The following PTCH1 variants were observed in gnomAD, a reference collection of about 807,000 sequenced individuals.
PTCH1 encodes protein patched homolog 1.
Under a neutral mutation model 144.6 loss-of-function variants are expected in PTCH1, and 14 were observed. The observed-to-expected ratio is 0.10, with a 90% CI of 0.06 to 0.15. The LOEUF (loss-of-function observed/expected upper bound fraction) is 0.15. Ranked by LOEUF, PTCH1 falls within the 10% of genes least tolerant of loss-of-function variation. The pLI, the probability that PTCH1 is intolerant of heterozygous loss-of-function variation, is 1.00. For missense variants in PTCH1, 1,623 were observed against 1,948.3 expected, an observed-to-expected ratio of 0.83 and a Z score of 3.14; for synonymous variants, 833 against 793.6, an observed-to-expected ratio of 1.05 and a Z score of -0.83.
chr9:95,476,075 C>A lies in PTCH1; in HGVS notation c.1687G>T (p.Ala563Ser), dbSNP rs146616780. 1 of 1,614,046 alleles carries A rather than the reference C, an allele frequency of 6.2e-7. No individual in the cohort carries two copies. Reference protein sequence around the residue: ...ISNVTAFFMAALIPIPALRAF... With the variant: ...ISNVTAFFMASLIPIPALRAF... ...CGCAGAGCGGGAATTGGGATTAACGCGGCCATGAAGAAGGCTGTGACATTG... is the reference window on the plus strand; with the variant it reads ...CGCAGAGCGGGAATTGGGATTAACGAGGCCATGAAGAAGGCTGTGACATTG... The change falls in exon 12 of 24, where the codon GCG (alanine) becomes TCG (serine). Residue 563 changes from alanine to serine, a missense_variant. Around this residue, in one of 7 missense-constraint regions of PTCH1, gnomAD observed 135 missense variants for 228.7 expected, o/e 0.59. Coordinates refer to ENST00000331920, the MANE Select transcript of PTCH1 (RefSeq NM_000264.5). The surrounding 1 kb of genome is among the most constrained non-coding windows in gnomAD (Gnocchi z 4.6).
At chr9:95,477,929 G>A (rs533354819) in intron 9 of PTCH1, 126 bp downstream of exon 9, 59 of 1,542,122 alleles carry the variant, frequency 3.8e-5, no homozygotes, top group South Asian at 3.5e-4. Context: ...GTGAAGCCAC[G>A]CTCTCTCTGT....
chr9:95,510,868 TC>T (rs1483734624), upstream of PTCH1, among the ~76,000 whole-genome samples: 2 of 150,508 alleles, frequency 1.3e-5, no homozygotes, highest in African/African-American at 4.9e-5. Flanking sequence ...CGCGCCCGGC[TC>T]CCGGACTCCC....
rs1841059692 is a variant in PTCH1, at chr9:95,476,623, G to T, written c.1602+136C>A. The T allele has an allele frequency of 3.5e-6, 3 of 854,256 alleles. No individual in the cohort carries two copies. The highest frequency in any genetic ancestry group is 1.7e-5 in the African/African-American group (1 of 59,258). The allele number at this position is 854,256 out of a possible 1,614,324, so 52.9% of individuals were successfully genotyped here. A position where few individuals can be genotyped will look rare whatever the true frequency, so the allele number is the denominator to read the frequency against. ...AGTCTTCCAGCTTATTTCATTGACT[G>T]GCAGCCAGTGACACATCATCTGACA... On this transcript the variant is annotated intron_variant, in intron 11 of 23. Coordinates refer to ENST00000331920, the MANE Select transcript of PTCH1 (RefSeq NM_000264.5). The surrounding 1 kb of genome is among the most constrained non-coding windows in gnomAD (Gnocchi z 4.6).
chr9:95,506,993 G>A (rs939516475), intron 1 of PTCH1: 7 of 999,338 alleles, frequency 7.0e-6, no homozygotes, highest in Non-Finnish European at 8.3e-6. Flanking sequence ...CAAGGTTCAG[G>A]AGCCAGCAAA....
chr9:95,494,430 G>A (rs1842657338), intron 2 of PTCH1: 2 of 985,406 alleles, frequency 2.0e-6, no homozygotes, highest in African/African-American at 3.5e-5. Context: ...TGGCAAATGA[G>A]GGCTGTGCAC....
rs1050913562 is a variant in PTCH1, at chr9:95,453,585, C to T, written c.3342G>A (p.Arg1114=). ...FLTAIGDKNR[R]AVLALEHMFA... ...ACATGTGCTCCAGGGCAAGCACAGC[C>T]CTGCGGTTCTTGTCGCCGATGGCCG... is the stretch of plus-strand genomic sequence containing the variant. The change falls in exon 20 of 24, where the codon AGG becomes AGA. Residue 1114 remains arginine (R), a synonymous_variant. Coordinates refer to ENST00000331920, the MANE Select transcript of PTCH1 (RefSeq NM_000264.5). The T allele has an allele frequency of 6.2e-7, 1 of 1,614,032 alleles. No homozygotes were observed. The highest frequency in any genetic ancestry group is 8.5e-7 in the Non-Finnish European group (1 of 1,180,036).
At position 95,482,192 on chromosome 9, in the gene PTCH1, A is replaced by C. The variant is rs767791358; in HGVS notation, c.596T>G (p.Leu199Trp). 1.2e-6 allele frequency: 2 copies of C among 1,614,058 alleles called. No individual in the cohort carries two copies. Among genetic ancestry groups the C allele is most frequent in the Non-Finnish European group, 8.5e-7 (1 of 1,179,928 alleles). The change falls in exon 4 of 24, where the codon TTG (leucine) becomes TGG (tryptophan). Residue 199 changes from leucine (L) to tryptophan (W), a missense_variant. Transcript: ENST00000331920. ...TCCTGATTTGTAACACAAATGTTCC[A>C]ATTTCCACTGCCTAATAAAATGAAA... ...HVYMYNRQWK[L>W]EHLCYKSGEL... is the part of the protein sequence containing the mutation.
chr9:95,475,794 G>T (rs1288327343), intron 12 of PTCH1, among the ~76,000 whole-genome samples: 1 of 152,144 alleles, frequency 6.6e-6, no homozygotes, highest in Non-Finnish European at 1.5e-5. Context: ...GGCAACAGAC[G>T]TCTGGGCTTC....
At position 95,467,237 on chromosome 9, in the gene PTCH1, C is replaced by T. The variant is rs151266988; in HGVS notation, c.2439G>A (p.Pro813=). The T allele has an allele frequency of 3.3e-5, 53 of 1,612,382 alleles. No homozygotes were observed. The highest frequency in any genetic ancestry group is 2.9e-4 in the South Asian group (26 of 90,992). ...MYIVTQKADY[P]NIQHLLYDLH... is the part of the protein sequence containing the mutation. ...GGTCGTAAAGTAAGTGCTGGATATT[C>T]GGGTAGTCTGCTTTCTGGGTGACTA... The change falls in exon 15 of 24, where the codon CCG becomes CCA. Residue 813 remains proline (P), a synonymous_variant. Coordinates refer to ENST00000331920, the MANE Select transcript of PTCH1 (RefSeq NM_000264.5).
Position 95,508,157 on chromosome 9 carries a change from G to A in PTCH1, c.201+4C>T, listed in dbSNP as rs755496768. 1 of 1,612,546 alleles carries A rather than the reference G, an allele frequency of 6.2e-7. No individual in the cohort carries two copies. Among genetic ancestry groups the A allele is most frequent in the Admixed American group, 1.7e-5 (1 of 60,006 alleles). On this transcript the variant is annotated splice_donor_region_variant and intron_variant, in intron 1 of 23. Transcript: ENST00000331920. The stretch of plus-strand genomic sequence containing the variant: ...AAAGTGGGAGGAGAGAGTCTGAAAT[G>A]CACCTTGGAAATCTGCTCCAGAGCG...
chr9:95,449,811 C>G lies in PTCH1; in HGVS notation c.3549+30G>C. On this transcript the variant is annotated intron_variant, in intron 21 of 23. Transcript: ENST00000331920. The surrounding 1 kb of genome is among the most constrained non-coding windows in gnomAD (Gnocchi z 5.3). The stretch of plus-strand genomic sequence containing the variant: ...GGAAACACAGCATTCAGCCGGCCTA[C>G]ACGTGGGACATCCCCGTGTCACTAC... The G allele has an allele frequency of 6.4e-7, 1 of 1,573,508 alleles. No homozygotes were observed. The highest frequency in any genetic ancestry group is 1.1e-5 in the South Asian group (1 of 90,008).
At chr9:95,491,157 T>C (rs761888591) in intron 2 of PTCH1, among the ~76,000 whole-genome samples, 1 of 152,244 alleles carries the variant, frequency 6.6e-6, no homozygotes, top group Non-Finnish European at 1.5e-5. Context: ...TAACGTTTTA[T>C]ACTTGGGTGG....
intron 12 of PTCH1, chr9:95,474,206 G>A (rs1840837485): frequency 5.9e-6 from 2 of 336,214 alleles, no homozygotes; most frequent in African/African-American, 4.3e-5. Context: ...AGCAGATACA[G>A]AAAGACAGTG....
upstream of PTCH1, chr9:95,514,193 G>C (rs1284114573): frequency 6.6e-6 from 1 of 152,180 alleles, no homozygotes; most frequent in Admixed American, 6.5e-5. Context: ...AGAAAACAGA[G>C]CATTGACCCC....
Position 95,506,370 on chromosome 9 carries a change from G to C in PTCH1, c.394+37C>G, listed in dbSNP as rs543169448. 77 of 1,600,658 alleles carry C rather than the reference G, an allele frequency of 4.8e-5. 1 individual carries two copies. Among genetic ancestry groups the C allele is most frequent in the Non-Finnish European group, 5.9e-5 (69 of 1,173,466 alleles). ...TCTCTATCAACCGCGAGGAGGGACCGGGCCGGGGGCGCGGGCGCCGCGGCG... is the reference window on the plus strand; with the variant it reads ...TCTCTATCAACCGCGAGGAGGGACCCGGCCGGGGGCGCGGGCGCCGCGGCG... On this transcript the variant is annotated intron_variant, in intron 2 of 23. Transcript: ENST00000331920.
At chr9:95,456,450 G>T (rs759797056) in intron 18 of PTCH1, 37 bp from the exon 19 acceptor site, 1 of 1,609,852 alleles carries the variant, frequency 6.2e-7, no homozygotes, top group Admixed American at 1.7e-5. Flanking sequence ...GGGCGGGCAG[G>T]TCACCCTCTG....
In PTCH1 at chr9:95,508,547, C is replaced by T. The variant is rs943795684; in HGVS notation, c.-186G>A. 14 of 1,007,228 alleles carry T rather than the reference C, an allele frequency of 1.4e-5. No individual in the cohort carries two copies. The African/African-American group carries it at 2.4e-4, about 18-fold the overall frequency. The allele number at this position is 1,007,228 out of a possible 1,614,324, so 62.4% of individuals were successfully genotyped here. ...CCGCTGCTGCTGCTCACACGGCGGGCGCTGCTGCCGCTGCGGCCGCGGCCG... is the reference window on the plus strand; with the variant it reads ...CCGCTGCTGCTGCTCACACGGCGGGTGCTGCTGCCGCTGCGGCCGCGGCCG... On this transcript the variant is annotated 5_prime_UTR_variant, in exon 1 of 24. Transcript: ENST00000331920.
rs1033653555 is a variant in PTCH1, at chr9:95,449,409, G to A, written c.3550-86C>T. On this transcript the variant is annotated intron_variant, in intron 21 of 23. Transcript: ENST00000331920. The surrounding 1 kb of genome is among the most constrained non-coding windows in gnomAD (Gnocchi z 5.3). ...AAGCTCAAAGCACGGTATTTTTCAG[G>A]GGCCTCTGTTCCCTGCCCTGGGGCC... 2.6e-6 allele frequency: 4 copies of A among 1,523,018 alleles called. No individual in the cohort carries two copies. The highest frequency in any genetic ancestry group is 1.2e-5 in the South Asian group (1 of 83,722). The allele number at this position is 1,523,018 out of a possible 1,614,324, so 94.3% of individuals were successfully genotyped here.
chr9:95,450,998 CT>C (rs1427183167), intron 20 of PTCH1: 2 of 145,580 alleles, frequency 1.4e-5, no homozygotes, highest in African/African-American at 4.9e-5. Flanking sequence ...TCAGGATGTT[CT>C]GGGAAGGGGG....
Sources: gnomAD v4.1 joint callset for allele counts (sites outside exome capture counted in the v4.1 genomes callset) on GRCh38, gnomAD v4.1.1 for gene constraint, gnomAD v4.1.1 regional missense constraint, Gnocchi (gnomAD v3.1) non-coding constraint, MANE v1.5 for transcripts, NCBI Gene and HGNC (gene_info 2026-07-23, HGNC 2026-07-21) for gene names.